The following CFLAR variants were observed in gnomAD, a reference collection of about 807,000 sequenced individuals.
The protein encoded by CFLAR is CASP8 and FADD-like apoptosis regulator.
In CFLAR, 14 loss-of-function variants were observed where a neutral mutation model predicts 51.1. The ratio of observed to expected loss-of-function variants is 0.27; its 90% CI spans 0.18 to 0.43. CFLAR has a LOEUF of 0.43. CFLAR is among the 20% of genes least tolerant of loss of function. CFLAR has a pLI of 1.00. For missense variants in CFLAR, 390 were observed against 566.5 expected (o/e 0.69, Z 3.16); for synonymous variants, 210 against 211.6 (o/e 0.99, Z 0.06).
At position 201,138,305 on chromosome 2, in the gene CFLAR, T is replaced by C; in HGVS notation, c.524-2052T>C. ...GTCCAGGTGGTATTTGTCATCCTCA[T>C]GGGTACCCACAGCTGCCCCGCCCAG... On this transcript the variant is annotated intron_variant, in intron 4 of 9. Transcript: ENST00000309955. The surrounding 1 kb of genome is among the most constrained non-coding windows in gnomAD (Gnocchi z 4.0). The C allele has an allele frequency of 1.3e-6, 1 of 777,606 alleles. No individual in the cohort carries two copies. The highest frequency in any genetic ancestry group is 2.4e-6 in the Non-Finnish European group (1 of 422,214). The allele number at this position is 777,606 out of a possible 1,614,324, so 48.2% of individuals were successfully genotyped here. A position where few individuals can be genotyped will look rare whatever the true frequency, so the allele number is the denominator to read the frequency against.
chr2:201,148,891 T>C lies in CFLAR; in HGVS notation c.662-112T>C, dbSNP rs112078495. ...GTATAGCTGGGGAAAGAAGAGATAA[T>C]TGAAGAAAATAGGAAGGGAGAACAG... On this transcript the variant is annotated intron_variant, in intron 6 of 9. Transcript: ENST00000309955. 1,754 of 726,842 alleles carry C rather than the reference T, an allele frequency of 2.4e-3. 28 individuals are homozygous for C. The African/African-American group carries it at 0.028, about 12-fold the overall frequency. 45.0% of individuals were successfully genotyped at this position (726,842 alleles called of 1,614,324 possible). A position where few individuals can be genotyped will look rare whatever the true frequency, so the allele number is the denominator to read the frequency against.
chr2:201,145,357 C>T (rs756569392), intron 5 of CFLAR, 21 bp from the exon 6 acceptor site: 1 of 1,502,274 alleles, frequency 6.7e-7, no homozygotes, highest in East Asian at 2.3e-5. Flanking sequence ...GGAAGTATGA[C>T]CTTATTCTTT....
At chr2:201,151,529 A>G (rs1279013321) in intron 8 of CFLAR, among the ~76,000 whole-genome samples, 1 of 151,246 alleles carries the variant, frequency 6.6e-6, no homozygotes, top group Non-Finnish European at 1.5e-5. Flanking sequence ...GTCGTGTCCT[A>G]TTTTTGGTTA....
chr2:201,147,479 A>C (rs1940434533), intron 6 of CFLAR, among the ~76,000 whole-genome samples: 1 of 151,958 alleles, frequency 6.6e-6, no homozygotes, highest in African/African-American at 2.4e-5. Flanking sequence ...CAGTGAGCCG[A>C]GATCTTGCCA....
chr2:201,149,240 A>T (rs567588790), intron 7 of CFLAR, 188 bp downstream of exon 7: 190 of 501,896 alleles, frequency 3.8e-4, no homozygotes, highest in African/African-American at 3.3e-3. Context: ...GGATTGCATT[A>T]GTGAACTTTG....
intron 5 of CFLAR, chr2:201,141,404 C>T (rs1394570315): frequency 6.4e-7 from 1 of 1,559,530 alleles, no homozygotes; most frequent in Non-Finnish European, 8.7e-7. Flanking sequence ...TTGTCCTGAT[C>T]TGAAAATTCT....
intron 1 of CFLAR, among the ~76,000 whole-genome samples, chr2:201,120,992 G>A (rs1014584544): frequency 2.6e-5 from 4 of 152,176 alleles, no homozygotes; most frequent in African/African-American, 9.7e-5. Context: ...AGCACCTGCT[G>A]GGGCTGAGGA....
chr2:201,139,273 G>A (rs556758263), intron 4 of CFLAR: 28 of 295,960 alleles, frequency 9.5e-5, no homozygotes, highest in African/African-American at 5.8e-4. Context: ...CTAATCTCAA[G>A]TACCCAGGGA....
intron 1 of CFLAR, chr2:201,129,377 C>T (rs915036849): frequency 1.7e-5 from 3 of 176,104 alleles, no homozygotes; most frequent in Non-Finnish European, 3.5e-5. Context: ...CTACTACGTA[C>T]TTCTTCCCTA....
At chr2:201,126,717 C>T (rs1300411348) in intron 1 of CFLAR, among the ~76,000 whole-genome samples, 1 of 152,160 alleles carries the variant, frequency 6.6e-6, no homozygotes, top group Non-Finnish European at 1.5e-5. Context: ...TTGTTAGAAT[C>T]CCACCCCAGA....
chr2:201,160,590 T>C lies in CFLAR; in HGVS notation c.952T>C (p.Ser318Pro). The change falls in exon 9 of 10, where the codon TCC (serine) becomes CCC (proline). Residue 318 changes from serine to proline, a missense_variant. Transcript: ENST00000309955. ...FVCVLVSRGGSQSVYGVDQTH... is the reference protein window; with the variant it reads ...FVCVLVSRGGPQSVYGVDQTH... ...GTGTGTCCTGGTGAGCCGAGGAGGC[T>C]CCCAGAGTGTGTATGGTGTGGATCA... 1 of 1,613,914 alleles carries C rather than the reference T, an allele frequency of 6.2e-7. No individual in the cohort carries two copies. Among genetic ancestry groups the C allele is most frequent in the Non-Finnish European group, 8.5e-7 (1 of 1,179,990 alleles).
chr2:201,161,240 G>A (rs1276873613), intron 9 of CFLAR, among the ~76,000 whole-genome samples: 1 of 152,082 alleles, frequency 6.6e-6, no homozygotes, highest in Non-Finnish European at 1.5e-5. Context: ...GTGTGGTGGT[G>A]TGCGCTTATA....
intron 8 of CFLAR, chr2:201,154,182 C>G: frequency 4.1e-6 from 1 of 241,026 alleles, no homozygotes; most frequent in South Asian, 3.6e-5. Context: ...ATCTCCACCT[C>G]CCAGGTTCAA....
intron 5 of CFLAR, chr2:201,144,106 T>C (rs1939605432): frequency 6.6e-6 from 1 of 152,270 alleles, no homozygotes; most frequent in African/African-American, 2.4e-5. Context: ...CTGGCTAAGT[T>C]ACTAATTATT....
chr2:201,140,131 TG>T, intron 4 of CFLAR: 1 of 236,348 alleles, frequency 4.2e-6, no homozygotes, highest in Non-Finnish European at 7.5e-6. Flanking sequence ...CTGGGTGGGC[TG>T]GGGGCGGGGG....
intron 8 of CFLAR, among the ~76,000 whole-genome samples, chr2:201,154,769 A>C (rs758250386): frequency 2.0e-5 from 3 of 152,228 alleles, no homozygotes; most frequent in Non-Finnish European, 4.4e-5. Flanking sequence ...CAAGTCCCCC[A>C]AGTATTTAAA....
rs3731715 is a variant in CFLAR at position 201,131,246 on chromosome 2, T to C, written c.281+1100T>C. Among the ~76,000 whole-genome samples, 246 of 152,218 alleles carry C rather than the reference T, an allele frequency of 1.6e-3. 7 individuals are homozygous for C. In the East Asian group the frequency reaches 0.045, roughly 28 times the overall value. ...TGTAACCTTAAGTTGGTGTTTTCTTTTTTTTTTTGAGACAAAGTCTCGCTC... is the reference window on the plus strand; with the variant it reads ...TGTAACCTTAAGTTGGTGTTTTCTTCTTTTTTTTGAGACAAAGTCTCGCTC... On this transcript the variant is annotated intron_variant, in intron 2 of 9. Coordinates refer to ENST00000309955, the MANE Select transcript of CFLAR (RefSeq NM_003879.7).
intron 8 of CFLAR, chr2:201,150,221 C>G (rs1941035489): frequency 6.5e-6 from 1 of 154,038 alleles, no homozygotes; most frequent in Admixed American, 6.5e-5. Context: ...GTAGTCCCAG[C>G]TACTTGGGAG....
Position 201,170,654 on chromosome 2 carries a change from T to C in CFLAR, c.*6681T>C, listed in dbSNP as rs1943957103. On this transcript the variant is annotated 3_prime_UTR_variant, in exon 10 of 10. Transcript: ENST00000309955. Reference sequence around the variant, plus strand: ...TGTTATTCTCCACCACCACTCAATCTGTCTATCATCTATCTCTCCATTCAT... The same window carrying C: ...TGTTATTCTCCACCACCACTCAATCCGTCTATCATCTATCTCTCCATTCAT... 1 of 152,212 alleles carries C rather than the reference T, an allele frequency of 6.6e-6. No homozygotes were observed. Among genetic ancestry groups the C allele is most frequent in the African/African-American group, 2.4e-5 (1 of 41,466 alleles). The allele number at this position is 152,212 out of a possible 1,614,324, so 9.4% of individuals were successfully genotyped here.
Sources: gnomAD v4.1 joint callset for allele counts (sites outside exome capture counted in the v4.1 genomes callset) on GRCh38, gnomAD v4.1.1 for gene constraint, Gnocchi (gnomAD v3.1) non-coding constraint, MANE v1.5 for transcripts, NCBI Gene and HGNC (gene_info 2026-07-23, HGNC 2026-07-21) for gene names.